The following MND1 variants were observed in gnomAD, a reference collection of about 807,000 sequenced individuals.
The protein encoded by MND1 is meiotic nuclear divisions 1.
A neutral mutation model predicts 35.1 loss-of-function variants in MND1; 28 were observed. The ratio of observed to expected loss-of-function variants is 0.80; its 90% CI spans 0.59 to 1.09. MND1 has a LOEUF of 1.09. Ranked by LOEUF, MND1 falls within the 50% of genes least tolerant of loss-of-function variation. The pLI is 0.00. For missense variants in MND1, 213 were observed against 239.6 expected (o/e 0.89, Z 0.73); for synonymous variants, 69 against 70.5 (o/e 0.98, Z 0.11).
chr4:153,390,552 A>G (rs1408094924), intron 4 of MND1, among the ~76,000 whole-genome samples: 1 of 152,158 alleles, frequency 6.6e-6, no homozygotes, highest in East Asian at 1.9e-4. Flanking sequence ...AATATAGTTA[A>G]GGTATATATC....
intron 7 of MND1, among the ~76,000 whole-genome samples, chr4:153,410,922 C>T (rs534399199): frequency 3.9e-5 from 6 of 152,180 alleles, no homozygotes; most frequent in African/African-American, 9.6e-5. Flanking sequence ...ACCCAGGAGG[C>T]GGAGGTTGCA....
intron 7 of MND1, among the ~76,000 whole-genome samples, 172 bp from the exon 8 acceptor site, chr4:153,414,579 G>A (rs1430825185): frequency 6.6e-6 from 1 of 151,956 alleles, no homozygotes; most frequent in Non-Finnish European, 1.5e-5. Flanking sequence ...CACCGCACCT[G>A]GCCTTAAGTA....
At chr4:153,406,204 T>A (rs1729505254) in intron 6 of MND1, among the ~76,000 whole-genome samples, 1 of 151,968 alleles carries the variant, frequency 6.6e-6, no homozygotes. Flanking sequence ...TCATCAAAGT[T>A]AAAAAGTTTT....
chr4:153,409,251 G>A lies in MND1; in HGVS notation c.511+236G>A, dbSNP rs147764245. On this transcript the variant is annotated intron_variant, in intron 7 of 7. Coordinates refer to ENST00000240488, the MANE Select transcript of MND1 (RefSeq NM_032117.4). Reference sequence around the variant, plus strand: ...TTTGTAAAACTAATGATTGCTTCCAGTTTAACTTTTGTGCAACTTTTCCCA... The same window carrying A: ...TTTGTAAAACTAATGATTGCTTCCAATTTAACTTTTGTGCAACTTTTCCCA... 1.6e-3 allele frequency: 285 copies of A among 178,920 alleles called. 2 individuals are homozygous for A. Among genetic ancestry groups the A allele is most frequent in the Non-Finnish European group, 2.1e-4 (17 of 82,256 alleles). 11.1% of individuals were successfully genotyped at this position (178,920 alleles called of 1,614,324 possible).
Position 153,344,750 on chromosome 4 carries a change from G to T in MND1, c.3+10G>T. 1 of 1,601,602 alleles carries T rather than the reference G, an allele frequency of 6.2e-7. No homozygotes were observed. The highest frequency in any genetic ancestry group is 8.5e-7 in the Non-Finnish European group (1 of 1,175,196). ...CTGCGCCCGCGCCATGGTAAGGACT[G>T]AGGCTACGGTCCCGCGTCTTCTTCC... On this transcript the variant is annotated intron_variant, in intron 1 of 7. Coordinates refer to ENST00000240488, the MANE Select transcript of MND1 (RefSeq NM_032117.4).
chr4:153,356,610 T>G (rs1362035780), intron 3 of MND1, among the ~76,000 whole-genome samples: 2 of 150,370 alleles, frequency 1.3e-5, no homozygotes, highest in Non-Finnish European at 3.0e-5. Flanking sequence ...AGATACAGAT[T>G]GCCACGTTTC....
chr4:153,394,394 G>T, intron 5 of MND1, 58 bp downstream of exon 5: 2 of 1,357,010 alleles, frequency 1.5e-6, no homozygotes, highest in South Asian at 1.3e-5. Context: ...TAGAGTAAGC[G>T]ACACAGAGCT....
chr4:153,379,135 A>G (rs866796190), intron 4 of MND1, among the ~76,000 whole-genome samples: 1 of 151,634 alleles, frequency 6.6e-6, no homozygotes, highest in East Asian at 2.0e-4. Flanking sequence ...AAAAGTACCA[A>G]AAAAATTAGC....
intron 6 of MND1, among the ~76,000 whole-genome samples, chr4:153,403,296 C>G (rs1350371714): frequency 6.6e-6 from 1 of 152,168 alleles, no homozygotes; most frequent in Non-Finnish European, 1.5e-5. Context: ...TCTGTGCAAG[C>G]AAGAAGCAAA....
In MND1 at chr4:153,355,535, A is replaced by C. The variant is rs532014658; in HGVS notation, c.70-119A>C. The C allele has an allele frequency of 9.2e-6, 6 of 648,980 alleles. No homozygotes were observed. The African/African-American group carries it at 1.1e-4, about 12-fold the overall frequency. The allele number at this position is 648,980 out of a possible 1,614,324, so 40.2% of individuals were successfully genotyped here. A position where few individuals can be genotyped will look rare whatever the true frequency, so the allele number is the denominator to read the frequency against. On this transcript the variant is annotated intron_variant, in intron 2 of 7. Coordinates refer to ENST00000240488, the MANE Select transcript of MND1 (RefSeq NM_032117.4). Reference sequence around the variant, plus strand: ...TTGTATACCTATATCAAAATATCACACATACCCTGTAAATGTATACAACTA... The same window carrying C: ...TTGTATACCTATATCAAAATATCACCCATACCCTGTAAATGTATACAACTA...
chr4:153,349,025 A>G (rs1315523873), intron 1 of MND1, among the ~76,000 whole-genome samples: 1 of 151,526 alleles, frequency 6.6e-6, no homozygotes, highest in African/African-American at 2.4e-5. Flanking sequence ...TTTGAGAAAG[A>G]TGCAGATCAC....
At chr4:153,361,266 A>G (rs1056028497) in intron 4 of MND1, among the ~76,000 whole-genome samples, 1 of 152,210 alleles carries the variant, frequency 6.6e-6, no homozygotes, top group Non-Finnish European at 1.5e-5. Context: ...TGTCTAATTT[A>G]TCATTGCTTC....
intron 4 of MND1, among the ~76,000 whole-genome samples, chr4:153,360,433 A>G (rs1773452869): frequency 6.6e-6 from 1 of 151,962 alleles, no homozygotes; most frequent in South Asian, 2.1e-4. Context: ...GTTACCTTCT[A>G]GGAGTTTTGT....
At chr4:153,409,370 CTAA>C (rs58903970) in intron 7 of MND1, among the ~76,000 whole-genome samples, 181 of 149,430 alleles carry the variant, frequency 1.2e-3, no homozygotes, top group African/African-American at 4.1e-3. Context: ...TATCATCTTG[CTAA>C]TAATAATAAT....
intron 5 of MND1, among the ~76,000 whole-genome samples, chr4:153,395,601 T>C (rs1729176406): frequency 6.6e-6 from 1 of 152,202 alleles, no homozygotes; most frequent in Non-Finnish European, 1.5e-5. Flanking sequence ...GAAAAATAGC[T>C]AACGTGTATT....
intron 7 of MND1, among the ~76,000 whole-genome samples, chr4:153,409,852 A>G (rs1729631785): frequency 6.6e-6 from 1 of 152,156 alleles, no homozygotes. Flanking sequence ...AGAGGGTGAA[A>G]CAGCAAACTG....
chr4:153,415,113 G>T lies in MND1; in HGVS notation c.*256G>T, dbSNP rs2149662603. 4.2e-6 allele frequency: 1 copy of T among 239,506 alleles called. No individual in the cohort carries two copies. The highest frequency in any genetic ancestry group is 8.0e-6 in the Non-Finnish European group (1 of 125,640). The allele number at this position is 239,506 out of a possible 1,614,324, so 14.8% of individuals were successfully genotyped here. On this transcript the variant is annotated 3_prime_UTR_variant, in exon 8 of 8. Transcript: ENST00000240488. The stretch of plus-strand genomic sequence containing the variant: ...TCTCAGTCCAGGCAGATTTACAAAT[G>T]ATTTTTTTTTTAAGATCAAAACCAT...
Position 153,361,611 on chromosome 4 carries a change from G to A in MND1, c.276+2989G>A, listed in dbSNP as rs769166437. The A allele has an allele frequency of 5.1e-5, 23 of 452,784 alleles. No individual in the cohort carries two copies. The Middle Eastern group carries it at 1.4e-3, about 27-fold the overall frequency. The allele number at this position is 452,784 out of a possible 1,614,324, so 28.0% of individuals were successfully genotyped here. On this transcript the variant is annotated intron_variant, in intron 4 of 7. Transcript: ENST00000240488. ...TCCCAGCACTTTGGGAGGCTGAGGCGGGCAGATCACGAGGTCAGGAGATCA... is the reference window on the plus strand; with the variant it reads ...TCCCAGCACTTTGGGAGGCTGAGGCAGGCAGATCACGAGGTCAGGAGATCA...
chr4:153,371,832 C>T (rs748459533), intron 4 of MND1, among the ~76,000 whole-genome samples: 32 of 152,212 alleles, frequency 2.1e-4, no homozygotes, highest in African/African-American at 3.4e-4. Flanking sequence ...CCTAGCTTTC[C>T]GCCTGTTTTG....
Sources: gnomAD v4.1 joint callset for allele counts (sites outside exome capture counted in the v4.1 genomes callset) on GRCh38, gnomAD v4.1.1 for gene constraint, MANE v1.5 for transcripts, NCBI Gene and HGNC (gene_info 2026-07-23, HGNC 2026-07-21) for gene names.